RIMKLB: variants seen among roughly 807,000 people sequenced by gnomAD.
RIMKLB encodes the protein ribosomal modification protein rimK like family member B, also known as beta-citrylglutamate synthase B.
In RIMKLB, 7 loss-of-function variants were observed where a neutral mutation model predicts 32.0. That is an observed-to-expected ratio of 0.22 (90% confidence interval 0.12 to 0.41). The LOEUF is 0.41. Ranked by LOEUF, RIMKLB falls within the 10% of genes least tolerant of loss-of-function variation. RIMKLB has a pLI of 1.00. For missense variants in RIMKLB, 289 were observed against 498.7 expected (o/e 0.58, Z 4.00); for synonymous variants, 172 against 185.1 (o/e 0.93, Z 0.57).
intron 1 of RIMKLB, chr12:8,681,961 T>C (rs1029503018): frequency 2.6e-5 from 4 of 152,132 alleles, no homozygotes; most frequent in Admixed American, 1.3e-4. Context: ...GGGAGCAGTC[T>C]TGTGGGACTC....
At chr12:8,700,989 C>A (rs935739207) in intron 1 of RIMKLB, among the ~76,000 whole-genome samples, 2 of 152,040 alleles carry the variant, frequency 1.3e-5, no homozygotes, top group African/African-American at 4.8e-5. Context: ...TCGCTTGAAC[C>A]TGGGAGGTGG....
intron 1 of RIMKLB, among the ~76,000 whole-genome samples, chr12:8,709,909 G>A (rs1286040403): frequency 6.6e-6 from 1 of 152,140 alleles, no homozygotes; most frequent in African/African-American, 2.4e-5. Context: ...CATCCACTGG[G>A]GGTCTTGGAA....
At chr12:8,706,575 T>G (rs1465788046) in intron 1 of RIMKLB, among the ~76,000 whole-genome samples, 1 of 151,490 alleles carries the variant, frequency 6.6e-6, no homozygotes, top group Non-Finnish European at 1.5e-5. Context: ...CTCAGCCTCC[T>G]GAGTAGCTGG....
At chr12:8,674,521 G>A in the RIMKLB span, among the ~76,000 whole-genome samples, 1 of 151,218 alleles carries the variant, frequency 6.6e-6, no homozygotes, top group South Asian at 2.1e-4. Flanking sequence ...TTATAGGCGT[G>A]AGCCACCGCG....
the RIMKLB span, among the ~76,000 whole-genome samples, chr12:8,673,649 G>A: frequency 6.6e-6 from 1 of 151,294 alleles, no homozygotes; most frequent in Non-Finnish European, 1.5e-5. Context: ...AGGCTGGAGT[G>A]CAGTGTTACA....
At chr12:8,778,268 T>C (rs1380532270), downstream of RIMKLB, among the ~76,000 whole-genome samples, 1 of 152,188 alleles carries the variant, frequency 6.6e-6, no homozygotes, top group Non-Finnish European at 1.5e-5. Context: ...AGGTTATATA[T>C]ATGGTAAAAA....
chr12:8,704,094 G>A (rs188676239), intron 1 of RIMKLB, among the ~76,000 whole-genome samples: 252 of 152,268 alleles, frequency 1.7e-3, no homozygotes, highest in African/African-American at 5.8e-3. Context: ...TGTAGAAAGT[G>A]TTTTATGGGT....
chr12:8,732,510 G>A (rs1946631771), intron 2 of RIMKLB, among the ~76,000 whole-genome samples: 2 of 152,108 alleles, frequency 1.3e-5, no homozygotes, highest in Non-Finnish European at 2.9e-5. Flanking sequence ...TTACTGCATT[G>A]TGTATTTTTG....
intron 1 of RIMKLB, among the ~76,000 whole-genome samples, chr12:8,682,059 G>T (rs918352296): frequency 3.9e-5 from 6 of 152,066 alleles, no homozygotes; most frequent in African/African-American, 1.4e-4. Context: ...TGGTGTTGGA[G>T]AATAGGTCAG....
intron 2 of RIMKLB, among the ~76,000 whole-genome samples, chr12:8,722,422 G>A (rs1945542932): frequency 6.6e-6 from 1 of 152,092 alleles, no homozygotes. Context: ...AAGATATTTA[G>A]TAAACCATAC....
intron 2 of RIMKLB, among the ~76,000 whole-genome samples, chr12:8,715,228 CTTTTTTTT>C (rs61677474): frequency 8.1e-6 from 1 of 123,762 alleles, no homozygotes; most frequent in Non-Finnish European, 1.7e-5. Flanking sequence ...TGCTCTTGTT[CTTTTTTTT>C]TTTTTTTTTT....
intron 5 of RIMKLB, among the ~76,000 whole-genome samples, chr12:8,764,513 T>C (rs1949791537): frequency 6.6e-6 from 1 of 152,122 alleles, no homozygotes; most frequent in South Asian, 2.1e-4. Context: ...CTAGGACCTC[T>C]CGGATAGTGA....
At chr12:8,766,262 T>C (rs1300234877) in intron 5 of RIMKLB, among the ~76,000 whole-genome samples, 2 of 152,180 alleles carry the variant, frequency 1.3e-5, no homozygotes, top group Non-Finnish European at 2.9e-5. Context: ...TTACGCTCAC[T>C]GATGTAGCAG....
chr12:8,684,033 C>T (rs1295040952), intron 1 of RIMKLB, among the ~76,000 whole-genome samples: 3 of 152,140 alleles, frequency 2.0e-5, no homozygotes, highest in Non-Finnish European at 4.4e-5. Context: ...TAGGCTTGAG[C>T]CACTGCGCCC....
chr12:8,725,247 C>G (rs1219318901), intron 2 of RIMKLB, among the ~76,000 whole-genome samples: 1 of 151,916 alleles, frequency 6.6e-6, no homozygotes, highest in Non-Finnish European at 1.5e-5. Flanking sequence ...ATTTTCTCTC[C>G]CAGGAAGGCA....
At chr12:8,758,703 T>G (rs61218851) in intron 5 of RIMKLB, among the ~76,000 whole-genome samples, 2,459 of 152,332 alleles carry the variant, frequency 0.016, 64 homozygotes, top group African/African-American at 0.055. Context: ...GAAATTGATT[T>G]TGCTGTTCAG....
At chr12:8,747,122 A>T (rs1048238513) in intron 2 of RIMKLB, among the ~76,000 whole-genome samples, 1 of 152,150 alleles carries the variant, frequency 6.6e-6, no homozygotes, top group Non-Finnish European at 1.5e-5. Flanking sequence ...GGTCCCTACT[A>T]TACGTACAGG....
intron 1 of RIMKLB, among the ~76,000 whole-genome samples, chr12:8,706,527 T>G (rs2136816006): frequency 6.6e-6 from 1 of 150,666 alleles, no homozygotes; most frequent in South Asian, 2.1e-4. Flanking sequence ...CTTGGTTCAC[T>G]GCAACCTCTG....
chr12:8,718,667 ATATGTGTGTGTGTGTG>A (rs1332295774), intron 2 of RIMKLB, among the ~76,000 whole-genome samples: 105 of 132,730 alleles, frequency 7.9e-4, no homozygotes, highest in Non-Finnish European at 1.2e-3. Context: ...ATATATATAT[ATATGTGTGTGTGTGTG>A]TGTGTGTGTG....
Sources: allele counts gnomAD v4.1 joint callset (sites outside exome capture counted in the v4.1 genomes callset), GRCh38; gene constraint gnomAD v4.1.1; transcripts MANE v1.5; gene names NCBI Gene and HGNC (gene_info 2026-07-23, HGNC 2026-07-21).